MARCHF10: variants seen among roughly 807,000 people sequenced by gnomAD.
MARCHF10 encodes the protein probable E3 ubiquitin-protein ligase MARCHF10.
A neutral mutation model predicts 76.2 loss-of-function variants in MARCHF10; 64 were observed. That is an observed-to-expected ratio of 0.84 (90% CI 0.69 to 1.03). The LOEUF (loss-of-function observed/expected upper bound fraction) is 1.03. Ranked by LOEUF, MARCHF10 falls within the 50% of genes least tolerant of loss-of-function variation. The pLI is 0.00. For synonymous variants in MARCHF10, 340 were observed against 357.5 expected (o/e 0.95, Z 0.55); for missense variants, 875 against 958.0 (o/e 0.91, Z 1.14).
Position 62,731,535 on chromosome 17 carries a change from G to C in MARCHF10, c.1937+4396C>G, listed in dbSNP as rs139857122. ...CCACTTTGGCCTCCCAAAGTGCTGGGATTACAGGAGTGAGCCACTGTGCCC... is the reference window on the plus strand; with the variant it reads ...CCACTTTGGCCTCCCAAAGTGCTGGCATTACAGGAGTGAGCCACTGTGCCC... On this transcript the variant is annotated intron_variant, in intron 6 of 10. Coordinates refer to ENST00000311269, the MANE Select transcript of MARCHF10 (RefSeq NM_152598.4). 2.7e-3 allele frequency among the ~76,000 whole-genome samples: 416 copies of C among 152,216 alleles called. 4 individuals carry two copies. The highest frequency in any genetic ancestry group is 9.6e-3 in the African/African-American group (399 of 41,540).
At chr17:62,754,352 C>T (rs915177509) in intron 4 of MARCHF10, among the ~76,000 whole-genome samples, 1 of 152,204 alleles carries the variant, frequency 6.6e-6, no homozygotes, top group African/African-American at 2.4e-5. Context: ...GGATTACAGG[C>T]ATGAGCCACT....
chr17:62,732,007 A>C lies in MARCHF10; in HGVS notation c.1937+3924T>G, dbSNP rs146701165. Among the ~76,000 whole-genome samples, 417 of 152,344 alleles carry C rather than the reference A, an allele frequency of 2.7e-3. 4 individuals are homozygous for C. The highest frequency in any genetic ancestry group is 9.6e-3 in the African/African-American group (400 of 41,586). On this transcript the variant is annotated intron_variant, in intron 6 of 10. Coordinates refer to ENST00000311269, the MANE Select transcript of MARCHF10 (RefSeq NM_152598.4). ...TTGGATTTCTACATCTTAGCAACAAAGAGTTAAAATTAGAATTTAAAATAC... is the reference window on the plus strand; with the variant it reads ...TTGGATTTCTACATCTTAGCAACAACGAGTTAAAATTAGAATTTAAAATAC...
In MARCHF10 at chr17:62,801,447, C is replaced by T. The variant is rs919658997; in HGVS notation, c.90+199G>A. The stretch of plus-strand genomic sequence containing the variant: ...GGATTACAGGCATGAGCCACCGTGC[C>T]CAGCTATCCCCGTTTTTTTTTTTTT... On this transcript the variant is annotated intron_variant, in intron 2 of 10. Coordinates refer to ENST00000311269, the MANE Select transcript of MARCHF10 (RefSeq NM_152598.4). 1.4e-4 allele frequency among the ~76,000 whole-genome samples: 21 copies of T among 151,784 alleles called. No individual in the cohort carries two copies. The Middle Eastern group carries it at 0.014, about 100-fold the overall frequency.
At chr17:62,744,313 G>C (rs1251827206) in intron 5 of MARCHF10, 63 bp downstream of exon 5, 25 of 1,531,430 alleles carry the variant, frequency 1.6e-5, no homozygotes, top group Admixed American at 1.4e-4. Flanking sequence ...AGAATTCACC[G>C]GGTAACAGCA....
At chr17:62,796,164 C>G (rs902157919) in intron 2 of MARCHF10, among the ~76,000 whole-genome samples, 1 of 152,022 alleles carries the variant, frequency 6.6e-6, no homozygotes, top group African/African-American at 2.4e-5. Flanking sequence ...CCACCACACC[C>G]GTCTAGTTTT....
intron 4 of MARCHF10, among the ~76,000 whole-genome samples, chr17:62,746,452 T>A (rs1015632336): frequency 7.9e-6 from 1 of 125,934 alleles, no homozygotes. Context: ...GGTGAGAGAG[T>A]GAGAGACAGA....
intron 3 of MARCHF10, among the ~76,000 whole-genome samples, chr17:62,766,778 C>T (rs556870912): frequency 3.9e-5 from 6 of 152,072 alleles, no homozygotes; most frequent in South Asian, 2.1e-4. Flanking sequence ...GTATCATACG[C>T]GCCTATTATG....
chr17:62,711,521 C>G lies in MARCHF10; in HGVS notation c.2215-177G>C, dbSNP rs547500423. On this transcript the variant is annotated intron_variant, in intron 8 of 10. Coordinates refer to ENST00000311269, the MANE Select transcript of MARCHF10 (RefSeq NM_152598.4). This position sits in a 1 kb window ranked among gnomAD's most constrained non-coding sequence, Gnocchi z 4.4. ...AGCAGGAGGAGATCCAGGGTAGAGG[C>G]CAGGGCAGCCACTCCCCTGGGATTT... Among the ~76,000 whole-genome samples the G allele has an allele frequency of 2.0e-5, 3 of 152,222 alleles. No homozygotes were observed. The highest frequency in any genetic ancestry group is 7.2e-5 in the African/African-American group (3 of 41,494).
chr17:62,736,642 G>C lies in MARCHF10; in HGVS notation c.1226C>G (p.Pro409Arg). 1.9e-6 allele frequency: 3 copies of C among 1,614,048 alleles called. No individual in the cohort carries two copies. The highest frequency in any genetic ancestry group is 1.6e-4 in the Middle Eastern group (1 of 6,062). ...AGCATTGACACCAACCTCTTGTCTGGGCTCGGATTTGGTGTCCCACGAAAG... is the reference window on the plus strand; with the variant it reads ...AGCATTGACACCAACCTCTTGTCTGCGCTCGGATTTGGTGTCCCACGAAAG... The part of the protein sequence containing the change: ...SPLSWDTKSE[P>R]RQEVGVNAEN... The change falls in exon 6 of 11, where the codon CCC becomes CGC. Residue 409 changes from proline (P) to arginine (R), a missense_variant. Pro to Arg is a moderately radical substitution (Grantham distance 103). Coordinates refer to ENST00000311269, the MANE Select transcript of MARCHF10 (RefSeq NM_152598.4).
At chr17:62,702,867 T>C (rs1166604612) in intron 10 of MARCHF10, among the ~76,000 whole-genome samples, 3 of 152,128 alleles carry the variant, frequency 2.0e-5, no homozygotes, top group South Asian at 2.1e-4. Flanking sequence ...CAAAAGCCAG[T>C]AGCCTTGACT....
In MARCHF10 at chr17:62,711,452, C is replaced by T; in HGVS notation, c.2215-108G>A. 1 of 1,031,968 alleles carries T rather than the reference C, an allele frequency of 9.7e-7. No homozygotes were observed. Among genetic ancestry groups the T allele is most frequent in the South Asian group, 1.5e-5 (1 of 67,788 alleles). 63.9% of individuals were successfully genotyped at this position (1,031,968 alleles called of 1,614,324 possible). On this transcript the variant is annotated intron_variant, in intron 8 of 10. Coordinates refer to ENST00000311269, the MANE Select transcript of MARCHF10 (RefSeq NM_152598.4). The surrounding 1 kb of genome is among the most constrained non-coding windows in gnomAD (Gnocchi z 4.4). ...GAGGTGACAAGAACTGGGAGAAGAGCCCAAGCTCCAAGGCAAGGCCTGCTC... is the reference window on the plus strand; with the variant it reads ...GAGGTGACAAGAACTGGGAGAAGAGTCCAAGCTCCAAGGCAAGGCCTGCTC...
intron 4 of MARCHF10, among the ~76,000 whole-genome samples, chr17:62,749,459 A>G (rs1053262561): frequency 3.9e-5 from 6 of 152,216 alleles, no homozygotes; most frequent in Admixed American, 6.5e-5. Context: ...TCTTTGAAAA[A>G]AAAAGTGTGC....
At chr17:62,751,607 G>GA (rs1328768783) in intron 4 of MARCHF10, among the ~76,000 whole-genome samples, 3 of 152,174 alleles carry the variant, frequency 2.0e-5, no homozygotes, top group African/African-American at 7.2e-5. Context: ...CAGGAAGCAG[G>GA]AATTTTTATT....
At chr17:62,774,603 G>A (rs902492656) in intron 3 of MARCHF10, among the ~76,000 whole-genome samples, 3 of 152,260 alleles carry the variant, frequency 2.0e-5, no homozygotes, top group East Asian at 1.9e-4. Flanking sequence ...CATTTCCTGC[G>A]CTGCAGGGAG....
At chr17:62,720,737 T>C (rs2090440162) in intron 8 of MARCHF10, among the ~76,000 whole-genome samples, 2 of 152,226 alleles carry the variant, frequency 1.3e-5, no homozygotes, top group Non-Finnish European at 2.9e-5. Context: ...CCTGGAATTT[T>C]TGACTCTCAG....
rs2093077213 is a variant in MARCHF10, at chr17:62,801,699, T to C, written c.37A>G (p.Ser13Gly). ...ATGTCCCGCAGATACTGAACATCGC[T>C]GAAGAACTTCTGCCTGTCCCTTGCG... is the stretch of plus-strand genomic sequence containing the variant. ...HDARDRQKFF[S>G]DVQYLRDMQH... Residue 13 changes from serine (S) to glycine (G), a missense_variant, in exon 2 of 11, where the codon AGC (serine) becomes GGC (glycine). Coordinates refer to ENST00000311269, the MANE Select transcript of MARCHF10 (RefSeq NM_152598.4). 6.2e-7 allele frequency: 1 copy of C among 1,614,206 alleles called. No individual in the cohort carries two copies. Among genetic ancestry groups the C allele is most frequent in the African/African-American group, 1.3e-5 (1 of 75,056 alleles).
intron 3 of MARCHF10, among the ~76,000 whole-genome samples, chr17:62,776,354 C>G (rs545295146): frequency 9.2e-5 from 14 of 152,290 alleles, no homozygotes; most frequent in African/African-American, 3.4e-4. Context: ...TCTATCAACC[C>G]GGCCACATGG....
At chr17:62,718,396 G>A (rs557865800) in intron 8 of MARCHF10, among the ~76,000 whole-genome samples, 1 of 152,292 alleles carries the variant, frequency 6.6e-6, no homozygotes, top group South Asian at 2.1e-4. Flanking sequence ...ATTGATAAAG[G>A]ACATTAGATG....
intron 4 of MARCHF10, among the ~76,000 whole-genome samples, chr17:62,754,026 C>T (rs1034715427): frequency 7.9e-5 from 12 of 152,186 alleles, no homozygotes; most frequent in Admixed American, 3.9e-4. Flanking sequence ...GATGACTTCA[C>T]TGATGATCAA....
Sources: allele counts gnomAD v4.1 joint callset (sites outside exome capture counted in the v4.1 genomes callset), GRCh38; gene constraint gnomAD v4.1.1; non-coding constraint Gnocchi (gnomAD v3.1); transcripts MANE v1.5; gene names NCBI Gene and HGNC (gene_info 2026-07-23, HGNC 2026-07-21).